Variants in HPSE2 observed in about 807,000 individuals in gnomAD.
The protein encoded by HPSE2 is inactive heparanase-2.
HPSE2 carries 38 observed loss-of-function variants against 60.5 expected under a neutral mutation model. The observed-to-expected ratio is 0.63, with a 90% CI of 0.48 to 0.82. The LOEUF is 0.82. Among genes scored for constraint, HPSE2 ranks in the 40% least tolerant of loss-of-function variants. The pLI, the probability that HPSE2 is intolerant of heterozygous loss-of-function variation, is 0.00. For missense variants in HPSE2, 713 were observed against 740.4 expected (o/e 0.96, Z 0.43); for synonymous variants, 295 against 293.2 (o/e 1.01, Z -0.06).
At chr10:98,637,084 AGAGT>A (rs995425507) in intron 7 of HPSE2, among the ~76,000 whole-genome samples, 16 of 152,224 alleles carry the variant, frequency 1.1e-4, no homozygotes, top group Admixed American at 1.0e-3. Flanking sequence ...TGAAAGGGAA[AGAGT>A]GTGTGGATCA....
At chr10:99,115,671 C>A (rs375624576) in intron 3 of HPSE2, among the ~76,000 whole-genome samples, 3 of 152,080 alleles carry the variant, frequency 2.0e-5, no homozygotes, top group African/African-American at 7.2e-5. Flanking sequence ...GTAATTATAA[C>A]CTTTTTCCCA....
At chr10:98,890,103 A>G (rs1164467007) in intron 3 of HPSE2, among the ~76,000 whole-genome samples, 1 of 152,212 alleles carries the variant, frequency 6.6e-6, no homozygotes. Flanking sequence ...AAAGGGTGTT[A>G]CGAGAATTAA....
chr10:98,803,262 T>G lies in HPSE2; in HGVS notation c.611-59206A>C, dbSNP rs200678536. Among the ~76,000 whole-genome samples, 135 of 148,200 alleles carry G rather than the reference T, an allele frequency of 9.1e-4. No homozygotes were observed. In the East Asian group the frequency reaches 9.7e-3, roughly 11 times the overall value. On this transcript the variant is annotated intron_variant, in intron 3 of 11. Transcript: ENST00000370552. Reference sequence around the variant, plus strand: ...GTAGGTTGCAAAAATTTTCTCCCATTTTGTAGGTTGCCTGTTCACTCTGAT... The same window carrying G: ...GTAGGTTGCAAAAATTTTCTCCCATGTTGTAGGTTGCCTGTTCACTCTGAT...
the HPSE2 span, among the ~76,000 whole-genome samples, chr10:99,307,039 G>A: frequency 6.6e-6 from 1 of 152,138 alleles, no homozygotes; most frequent in Non-Finnish European, 1.5e-5. Context: ...CTGCTAACTG[G>A]CTTTGCTGAT....
intron 3 of HPSE2, among the ~76,000 whole-genome samples, chr10:98,929,295 CT>C (rs927658985): frequency 1.4e-5 from 2 of 143,764 alleles, no homozygotes; most frequent in Non-Finnish European, 1.5e-5. Context: ...CATTTTTCCA[CT>C]GTTTATAACC....
intron 6 of HPSE2, among the ~76,000 whole-genome samples, chr10:98,692,163 A>G (rs369834073): frequency 2.0e-5 from 3 of 152,318 alleles, no homozygotes; most frequent in African/African-American, 7.2e-5. Context: ...ATGTAAGGTG[A>G]GACTTAAAAG....
intron 9 of HPSE2, among the ~76,000 whole-genome samples, chr10:98,520,606 A>C (rs1942758108): frequency 6.6e-6 from 1 of 152,230 alleles, no homozygotes; most frequent in South Asian, 2.1e-4. Flanking sequence ...CTATCCTTTA[A>C]GAAGAAACTG....
intron 2 of HPSE2, among the ~76,000 whole-genome samples, chr10:99,221,154 T>C (rs1849300886): frequency 6.6e-6 from 1 of 152,118 alleles, no homozygotes; most frequent in South Asian, 2.1e-4. Flanking sequence ...CGGCTTTCAG[T>C]TTTTATTTGA....
At chr10:98,939,110 A>G (rs1206500391) in intron 3 of HPSE2, among the ~76,000 whole-genome samples, 3 of 144,114 alleles carry the variant, frequency 2.1e-5, no homozygotes, top group Non-Finnish European at 4.5e-5. Flanking sequence ...AGGAACAACC[A>G]GTTCCAGCCA....
intron 2 of HPSE2, among the ~76,000 whole-genome samples, chr10:99,216,740 A>G (rs1030177617): frequency 1.3e-5 from 2 of 152,228 alleles, no homozygotes; most frequent in African/African-American, 2.4e-5. Flanking sequence ...TAAGGACAGC[A>G]TATTGCAATG....
chr10:98,958,200 T>C (rs1955557525), intron 3 of HPSE2, among the ~76,000 whole-genome samples: 1 of 152,176 alleles, frequency 6.6e-6, no homozygotes, highest in Non-Finnish European at 1.5e-5. Context: ...CACACTCAAA[T>C]GCACACACAT....
At chr10:98,746,404 T>C (rs1221509995) in intron 3 of HPSE2, among the ~76,000 whole-genome samples, 1 of 152,014 alleles carries the variant, frequency 6.6e-6, no homozygotes, top group Non-Finnish European at 1.5e-5. Flanking sequence ...ATGTATAGTT[T>C]TACATGCTTT....
chr10:98,794,709 A>G (rs981837991), intron 3 of HPSE2, among the ~76,000 whole-genome samples: 2 of 152,116 alleles, frequency 1.3e-5, no homozygotes, highest in African/African-American at 4.8e-5. Flanking sequence ...ACGTTATAAA[A>G]AAGTTATCCT....
intron 5 of HPSE2, among the ~76,000 whole-genome samples, chr10:98,705,446 C>A (rs1948522324): frequency 6.6e-6 from 1 of 152,146 alleles, no homozygotes; most frequent in Non-Finnish European, 1.5e-5. Context: ...ACTATGAAGA[C>A]ATATGCACAT....
chr10:99,226,045 T>C (rs1244905987), intron 2 of HPSE2, among the ~76,000 whole-genome samples: 2 of 152,076 alleles, frequency 1.3e-5, no homozygotes, highest in African/African-American at 4.8e-5. Context: ...AATGTGTAAA[T>C]AGGCTTCTAT....
At chr10:98,986,719 A>C (rs1480384060) in intron 3 of HPSE2, among the ~76,000 whole-genome samples, 3 of 150,924 alleles carry the variant, frequency 2.0e-5, no homozygotes, top group African/African-American at 7.3e-5. Context: ...TTTTTTGAAA[A>C]GATCAACAAA....
At chr10:99,153,978 G>A (rs1283094349) in intron 2 of HPSE2, among the ~76,000 whole-genome samples, 20 of 152,106 alleles carry the variant, frequency 1.3e-4, no homozygotes, top group Admixed American at 1.3e-3. Context: ...GAGCTGATGC[G>A]ATCAAATGGA....
intron 3 of HPSE2, among the ~76,000 whole-genome samples, chr10:99,053,805 T>G (rs1330687407): frequency 1.5e-5 from 2 of 135,256 alleles, no homozygotes; most frequent in East Asian, 5.0e-4. Context: ...CTTGGTTCAC[T>G]GCAACCTCCA....
intron 3 of HPSE2, among the ~76,000 whole-genome samples, chr10:98,798,936 T>C (rs968085153): frequency 6.6e-6 from 1 of 152,118 alleles, no homozygotes; most frequent in Non-Finnish European, 1.5e-5. Context: ...TTTCTACTTA[T>C]CAATGATAAC....
Sources: allele counts gnomAD v4.1 joint callset (sites outside exome capture counted in the v4.1 genomes callset), GRCh38; gene constraint gnomAD v4.1.1; transcripts MANE v1.5; gene names NCBI Gene and HGNC (gene_info 2026-07-23, HGNC 2026-07-21).